ADCY2: variants seen among roughly 807,000 people sequenced by gnomAD.
ADCY2 encodes the protein adenylate cyclase 2, also known as adenylate cyclase type 2.
In ADCY2, 31 loss-of-function variants were observed where a neutral mutation model predicts 125.2. The observed-to-expected ratio is 0.25, with a 90% CI of 0.19 to 0.33. The LOEUF is 0.33. Ranked by LOEUF, ADCY2 falls within the 10% of genes least tolerant of loss-of-function variation. The pLI is 1.00. For synonymous variants in ADCY2, 512 were observed against 548.4 expected, an observed-to-expected ratio of 0.93 and a Z score of 0.93; for missense variants, 904 against 1,418.2, an observed-to-expected ratio of 0.64 and a Z score of 5.82.
intron 7 of ADCY2, among the ~76,000 whole-genome samples, chr5:7,699,628 C>G (rs554449555): frequency 6.6e-6 from 1 of 152,134 alleles, no homozygotes; most frequent in South Asian, 2.1e-4. Flanking sequence ...GGTCTGTCAC[C>G]CAGGCTGGAG....
At chr5:7,806,426 C>T (rs1744764192) in intron 22 of ADCY2, among the ~76,000 whole-genome samples, 1 of 152,138 alleles carries the variant, frequency 6.6e-6, no homozygotes, top group Non-Finnish European at 1.5e-5. Context: ...GTCTGCTTGG[C>T]CTGCCAGGCA....
intron 12 of ADCY2, among the ~76,000 whole-genome samples, chr5:7,720,547 TC>T (rs1741726282): frequency 6.7e-6 from 1 of 149,966 alleles, no homozygotes; most frequent in Admixed American, 6.7e-5. Flanking sequence ...TCCTCCCCTC[TC>T]CCCCCACCCC....
At chr5:7,417,248 T>G (rs1176191168) in intron 2 of ADCY2, among the ~76,000 whole-genome samples, 1 of 152,134 alleles carries the variant, frequency 6.6e-6, no homozygotes, top group Non-Finnish European at 1.5e-5. Flanking sequence ...TAAAGTCTTT[T>G]TGTTGTTTTA....
intron 4 of ADCY2, among the ~76,000 whole-genome samples, chr5:7,668,296 G>A (rs1401969585): frequency 6.6e-6 from 1 of 152,218 alleles, no homozygotes; most frequent in Non-Finnish European, 1.5e-5. Context: ...GGCCTGAAGA[G>A]AAAGACTGAA....
chr5:7,533,087 G>A (rs533179068), intron 3 of ADCY2, among the ~76,000 whole-genome samples: 78 of 148,716 alleles, frequency 5.2e-4, no homozygotes, highest in African/African-American at 1.8e-3. Flanking sequence ...AAACATATAT[G>A]TATATATACA....
intron 3 of ADCY2, among the ~76,000 whole-genome samples, chr5:7,573,442 G>T (rs890215420): frequency 2.4e-4 from 36 of 152,112 alleles, no homozygotes; most frequent in African/African-American, 8.4e-4. Flanking sequence ...CAGAGGCATG[G>T]ATGCATGGTT....
chr5:7,505,616 G>A (rs1247434668), intron 2 of ADCY2, among the ~76,000 whole-genome samples: 3 of 152,170 alleles, frequency 2.0e-5, no homozygotes, highest in Admixed American at 6.5e-5. Context: ...CGTAGCTCAC[G>A]GATATGCATC....
chr5:7,427,840 T>C (rs1176771713), intron 2 of ADCY2, among the ~76,000 whole-genome samples: 1 of 152,206 alleles, frequency 6.6e-6, no homozygotes, highest in Non-Finnish European at 1.5e-5. Context: ...TACTTTTCCA[T>C]TTGCTTTGGA....
At position 7,802,256 on chromosome 5, in the gene ADCY2, G is replaced by A; in HGVS notation, c.2667G>A (p.Met889Ile). 1 of 1,614,084 alleles carries A rather than the reference G, an allele frequency of 6.2e-7. No individual in the cohort carries two copies. Among genetic ancestry groups the A allele is most frequent in the Non-Finnish European group, 8.5e-7 (1 of 1,179,948 alleles). ...YHQSYDCVCVMFASIPDFKEF... is the reference protein window; with the variant it reads ...YHQSYDCVCVIFASIPDFKEF... ...AGTCCTATGACTGCGTCTGCGTCAT[G>A]TTTGCCTCCATTCCGGATTTCAAAG... Residue 889 changes from methionine (M) to isoleucine (I), a missense_variant, in exon 21 of 25, where the codon ATG (methionine) becomes ATA (isoleucine). Transcript: ENST00000338316. This position sits in a 1 kb window ranked among gnomAD's most constrained non-coding sequence, Gnocchi z 4.6.
chr5:7,748,537 C>CAG (rs1553984362), intron 15 of ADCY2, among the ~76,000 whole-genome samples: 22 of 136,270 alleles, frequency 1.6e-4, no homozygotes, highest in Middle Eastern at 3.9e-3. Flanking sequence ...CACACACACA[C>CAG]ACACACACAC....
rs943247159 is a variant in ADCY2 at position 7,479,555 on chromosome 5, A to G, written c.409-41183A>G. Among the ~76,000 whole-genome samples, 12 of 152,270 alleles carry G rather than the reference A, an allele frequency of 7.9e-5. No individual in the cohort carries two copies. In the South Asian group the frequency reaches 1.4e-3, roughly 18 times the overall value. On this transcript the variant is annotated intron_variant, in intron 2 of 24. Transcript: ENST00000338316. ...CCACATCAGGGTAAATGGGGTATCT[A>G]TCACCCCAAGGATTTATCTTTTGTG... is the stretch of plus-strand genomic sequence containing the variant.
intron 3 of ADCY2, among the ~76,000 whole-genome samples, chr5:7,522,123 G>C (rs1744466433): frequency 6.6e-6 from 1 of 152,132 alleles, no homozygotes; most frequent in Non-Finnish European, 1.5e-5. Context: ...ATGAAGGTGG[G>C]TGTTTTATGT....
chr5:7,529,591 G>A (rs952057466), intron 3 of ADCY2, among the ~76,000 whole-genome samples: 1 of 152,160 alleles, frequency 6.6e-6, no homozygotes, highest in Non-Finnish European at 1.5e-5. Context: ...CAAGCATTTT[G>A]GCCTCAGGCA....
intron 4 of ADCY2, among the ~76,000 whole-genome samples, chr5:7,689,484 C>T (rs555861631): frequency 6.6e-6 from 1 of 152,310 alleles, no homozygotes; most frequent in Admixed American, 6.5e-5. Flanking sequence ...CCCCTATGAG[C>T]ACATACTGTG....
At chr5:7,532,859 C>T (rs1381348983) in intron 3 of ADCY2, among the ~76,000 whole-genome samples, 3 of 151,912 alleles carry the variant, frequency 2.0e-5, no homozygotes, top group Non-Finnish European at 4.4e-5. Flanking sequence ...AAGGATTTTG[C>T]ACATATCTCA....
At chr5:7,768,480 C>T (rs1412870679) in intron 17 of ADCY2, among the ~76,000 whole-genome samples, 1 of 152,060 alleles carries the variant, frequency 6.6e-6, no homozygotes, top group Non-Finnish European at 1.5e-5. Flanking sequence ...TTCGCATTCA[C>T]GTGGCACTTT....
intron 16 of ADCY2, among the ~76,000 whole-genome samples, chr5:7,764,848 A>C (rs1743332552): frequency 6.6e-6 from 1 of 152,230 alleles, no homozygotes. Context: ...GGCTACAATT[A>C]GGGAATGACA....
chr5:7,709,594 T>G lies in ADCY2; in HGVS notation c.1578+207T>G, dbSNP rs1392205219. On this transcript the variant is annotated intron_variant, in intron 10 of 24. Coordinates refer to ENST00000338316, the MANE Select transcript of ADCY2 (RefSeq NM_020546.3). The surrounding 1 kb of genome is among the most constrained non-coding windows in gnomAD (Gnocchi z 4.4). Reference sequence around the variant, plus strand: ...TGCTAAGGGTTCCACCCTAGCGTGATTTTGCATTATAGCTTCATAACCCAA... The same window carrying G: ...TGCTAAGGGTTCCACCCTAGCGTGAGTTTGCATTATAGCTTCATAACCCAA... 6.6e-6 allele frequency among the ~76,000 whole-genome samples: 1 copy of G among 152,238 alleles called. No homozygotes were observed. Among genetic ancestry groups the G allele is most frequent in the Non-Finnish European group, 1.5e-5 (1 of 68,050 alleles).
At chr5:7,731,342 G>A (rs1742098217) in intron 14 of ADCY2, among the ~76,000 whole-genome samples, 1 of 148,594 alleles carries the variant, frequency 6.7e-6, no homozygotes, top group South Asian at 2.1e-4. Flanking sequence ...TGCAACCTCC[G>A]CCTCCTGGGT....
Sources: gnomAD v4.1 joint callset for allele counts (sites outside exome capture counted in the v4.1 genomes callset) on GRCh38, gnomAD v4.1.1 for gene constraint, Gnocchi (gnomAD v3.1) non-coding constraint, MANE v1.5 for transcripts, NCBI Gene and HGNC (gene_info 2026-07-23, HGNC 2026-07-21) for gene names.